Variants in KIAA0586 observed in about 807,000 individuals in gnomAD.
KIAA0586 encodes KIAA0586.
A neutral mutation model predicts 169.8 loss-of-function variants in KIAA0586; 144 were observed. The observed-to-expected ratio is 0.85, with a 90% CI of 0.74 to 0.97. The LOEUF (loss-of-function observed/expected upper bound fraction) is 0.97. Among genes scored for constraint, KIAA0586 ranks in the 50% least tolerant of loss-of-function variants. KIAA0586 has a pLI of 0.00. For missense variants in KIAA0586, 1,854 were observed against 1,823.0 expected (o/e 1.02, Z -0.31); for synonymous variants, 625 against 612.4 (o/e 1.02, Z -0.30).
intron 27 of KIAA0586, among the ~76,000 whole-genome samples, chr14:58,502,111 T>G (rs2043609606): frequency 6.6e-6 from 1 of 152,064 alleles, no homozygotes; most frequent in South Asian, 2.1e-4. Flanking sequence ...AAGTAAGCAA[T>G]CAAGATGGAA....
intron 6 of KIAA0586, among the ~76,000 whole-genome samples, chr14:58,445,437 C>CT (rs560212866): frequency 2.1e-3 from 305 of 142,050 alleles, no homozygotes; most frequent in East Asian, 0.013. Flanking sequence ...CTTTCTTTTT[C>CT]TTTTTTTTTT....
chr14:58,428,453 A>C lies in KIAA0586; in HGVS notation c.189A>C (p.Gly63=). The C allele has an allele frequency of 6.2e-7, 1 of 1,610,800 alleles. No homozygotes were observed. The highest frequency in any genetic ancestry group is 8.5e-7 in the Non-Finnish European group (1 of 1,176,974). Residue 63 remains glycine, a synonymous_variant, in exon 1 of 31, where the codon GGA becomes GGC. Transcript: ENST00000652326. The part of the protein sequence containing the change: ...LPVGTGTSLN[G]TSRGSSDLTS... ...TTGGAACGGGGACTAGTTTGAATGG[A>C]ACATCACGTGGTATGTGATTCCATG... is the stretch of plus-strand genomic sequence containing the variant.
At chr14:58,485,060 A>T in intron 21 of KIAA0586, among the ~76,000 whole-genome samples, 1 of 141,982 alleles carries the variant, frequency 7.0e-6, no homozygotes, top group East Asian at 2.1e-4. Flanking sequence ...AGTAGCTGGG[A>T]TTACAGGCGC....
the KIAA0586 span, among the ~76,000 whole-genome samples, chr14:58,557,844 T>C: frequency 6.7e-6 from 1 of 149,116 alleles, no homozygotes; most frequent in Non-Finnish European, 1.5e-5. Flanking sequence ...TTTCATCCCA[T>C]GTGAGGGGTC....
intron 29 of KIAA0586, chr14:58,521,352 G>T (rs1388867701): frequency 1.3e-5 from 13 of 1,002,486 alleles, no homozygotes; most frequent in Non-Finnish European, 2.0e-5. Flanking sequence ...TTGCAAAATT[G>T]TGGGCTGCTC....
intron 30 of KIAA0586, 62 bp from the exon 31 acceptor site, chr14:58,547,719 C>T: frequency 1.4e-6 from 2 of 1,468,640 alleles, no homozygotes; most frequent in Non-Finnish European, 1.9e-6. Flanking sequence ...TTTCGCAAAG[C>T]ATAAAGCACG....
Position 58,444,139 on chromosome 14 carries a change from T to C in KIAA0586, c.771T>C (p.His257=). The change falls in exon 6 of 31, where the codon CAT becomes CAC. Residue 257 remains histidine, a synonymous_variant. Transcript: ENST00000652326. Reference sequence around the variant, plus strand: ...TGTTTATGGAGCAGCACATAAGGCATCTTGAAAAGTTACAACAACAACAAA... The same window carrying C: ...TGTTTATGGAGCAGCACATAAGGCACCTTGAAAAGTTACAACAACAACAAA... ...MNVFMEQHIR[H]LEKLQQQQID... The C allele has an allele frequency of 4.3e-6, 7 of 1,613,274 alleles. 1 individual carries two copies. The highest frequency in any genetic ancestry group is 5.1e-6 in the Non-Finnish European group (6 of 1,179,354).
chr14:58,508,685 A>G lies in KIAA0586; in HGVS notation c.4299A>G (p.Pro1433=). ...LTAQENDVNL[P]VAAEDFSQYQ... ...CACAAGAAAATGATGTTAATTTACC[A>G]GTAGCCGCTGAAGATTTTTCCCAGG... Residue 1433 remains proline (P), a synonymous_variant, in exon 28 of 31, where the codon CCA becomes CCG. Coordinates refer to ENST00000652326, the MANE Select transcript of KIAA0586 (RefSeq NM_001329943.3). 3 of 1,589,840 alleles carry G rather than the reference A, an allele frequency of 1.9e-6. No homozygotes were observed. Among genetic ancestry groups the G allele is most frequent in the African/African-American group, 2.7e-5 (2 of 74,764 alleles).
chr14:58,430,761 C>T (rs185891461), intron 3 of KIAA0586, 44 bp downstream of exon 3: 26 of 1,118,570 alleles, frequency 2.3e-5, no homozygotes, highest in Non-Finnish European at 3.3e-5. Context: ...ACAACATATA[C>T]ATAACATAAA....
Position 58,450,617 on chromosome 14 carries a change from CAG to C in KIAA0586, c.1002_1003del (p.Lys335IlefsTer20). ...KEVEDTSFDK[Q>X]KSPLETPAPR... The stretch of plus-strand genomic sequence containing the variant: ...AGTTGAAGATACGAGTTTTGATAAA[CAG>C]AAATCTCCTTTGGAGACACCAGCAC... On this transcript the variant is annotated frameshift_variant, in exon 8 of 31. Transcript: ENST00000652326. LOFTEE classifies it high-confidence loss of function. The C allele has an allele frequency of 1.9e-6, 3 of 1,610,490 alleles. No homozygotes were observed. Among genetic ancestry groups the C allele is most frequent in the Non-Finnish European group, 2.5e-6 (3 of 1,178,486 alleles).
chr14:58,453,625 C>T (rs2039582806), intron 9 of KIAA0586, among the ~76,000 whole-genome samples, 152 bp downstream of exon 9: 1 of 152,070 alleles, frequency 6.6e-6, no homozygotes, highest in Non-Finnish European at 1.5e-5. Context: ...TATCTTCCCC[C>T]TTTCTATAAT....
chr14:58,445,225 A>G (rs976930127), intron 6 of KIAA0586, among the ~76,000 whole-genome samples: 3 of 152,094 alleles, frequency 2.0e-5, no homozygotes, highest in African/African-American at 7.2e-5. Context: ...GTGCCTGGCA[A>G]TCATTGAAAG....
At chr14:58,558,809 G>A in the KIAA0586 span, among the ~76,000 whole-genome samples, 2 of 152,214 alleles carry the variant, frequency 1.3e-5, no homozygotes, top group Non-Finnish European at 2.9e-5. Flanking sequence ...AGAAATCTGA[G>A]CATTGCAAGG....
At chr14:58,485,750 T>C (rs1279711774) in intron 21 of KIAA0586, among the ~76,000 whole-genome samples, 1 of 152,216 alleles carries the variant, frequency 6.6e-6, no homozygotes, top group African/African-American at 2.4e-5. Flanking sequence ...CCTTCTCCAG[T>C]ACTTTCCATC....
chr14:58,448,165 T>C (rs1310125686), intron 6 of KIAA0586, among the ~76,000 whole-genome samples, 175 bp from the exon 7 acceptor site: 1 of 152,216 alleles, frequency 6.6e-6, no homozygotes, highest in Non-Finnish European at 1.5e-5. Context: ...CTTCTACATC[T>C]TTCCAATGGC....
chr14:58,547,115 A>T (rs927773178), intron 30 of KIAA0586, among the ~76,000 whole-genome samples: 1 of 151,568 alleles, frequency 6.6e-6, no homozygotes, highest in Non-Finnish European at 1.5e-5. Context: ...GCAACCTTTG[A>T]CTTCAAATGC....
intron 27 of KIAA0586, 69 bp from the exon 28 acceptor site, chr14:58,508,486 C>G (rs2044157638): frequency 8.0e-7 from 1 of 1,254,380 alleles, no homozygotes; most frequent in Non-Finnish European, 1.1e-6. Context: ...TTTTAGTCAA[C>G]TACTTGTTCA....
At chr14:58,451,883 C>T (rs948380981) in intron 8 of KIAA0586, among the ~76,000 whole-genome samples, 1 of 152,118 alleles carries the variant, frequency 6.6e-6, no homozygotes, top group African/African-American at 2.4e-5. Context: ...CGGGGTTTCA[C>T]CATGTTAGCC....
In KIAA0586 at chr14:58,429,390, A is replaced by G. The variant is rs755689968; in HGVS notation, c.227A>G (p.Asn76Ser). The change falls in exon 2 of 31, where the codon AAT (asparagine) becomes AGT (serine). Residue 76 changes from asparagine to serine, a missense_variant. Coordinates refer to ENST00000652326, the MANE Select transcript of KIAA0586 (RefSeq NM_001329943.3). ...TCATCAGACTTAACTTCTGCTAGAA[A>G]TTGTTACCAGCCTCTATTAGAAAAT... ...RGSSDLTSAR[N>S]CYQPLLENPM... 2.5e-6 allele frequency: 4 copies of G among 1,599,884 alleles called. No individual in the cohort carries two copies. Among genetic ancestry groups the G allele is most frequent in the Admixed American group, 1.7e-5 (1 of 59,990 alleles).
Sources: allele counts gnomAD v4.1 joint callset (sites outside exome capture counted in the v4.1 genomes callset), GRCh38; gene constraint gnomAD v4.1.1; transcripts MANE v1.5; gene names NCBI Gene and HGNC (gene_info 2026-07-23, HGNC 2026-07-21).